USP9X: variants seen among roughly 807,000 people sequenced by gnomAD.
USP9X encodes the protein ubiquitin carboxyl-terminal hydrolase 9X.
Under a neutral mutation model 190.3 loss-of-function variants are expected in USP9X, and 7 were observed. The ratio of observed to expected loss-of-function variants is 0.04; its 90% CI spans 0.02 to 0.07. The LOEUF (loss-of-function observed/expected upper bound fraction) is 0.07. USP9X is among the 10% of genes least tolerant of loss of function. The probability of loss-of-function intolerance (pLI) is 1.00; values close to 1 mark genes in which losing one functional copy is unlikely to be tolerated. For synonymous variants in USP9X, 645 were observed against 659.5 expected (o/e 0.98, Z 0.34); for missense variants, 1,010 against 1,916.9 (o/e 0.53, Z 8.83).
chrX:41,108,830 T>C (rs1036120513), intron 1 of USP9X, among the ~76,000 whole-genome samples: 3 of 111,121 alleles, frequency 2.7e-5, no homozygotes, highest in Non-Finnish European at 5.7e-5. Flanking sequence ...GTGGGGGCCA[T>C]TAGGACCACG....
chrX:41,147,548 GA>G (rs765027814), intron 11 of USP9X, among the ~76,000 whole-genome samples: 31 of 104,716 alleles, frequency 3.0e-4, no homozygotes, highest in African/African-American at 9.6e-4. Context: ...CCACTTCCTG[GA>G]TTCAAGCAAT....
rs763528440 is a variant in USP9X, at chrX:41,184,367, GC to G, written c.3280-27del. 1.3e-5 allele frequency: 15 copies of G among 1,191,204 alleles called. 1 individual carries two copies. In the South Asian group the frequency reaches 2.8e-4, roughly 22 times the overall value. ...TTTTTTTTTTAAATCTTTTAATACA[GC>G]CCTCTCCCCCTCTTCTCTATTTTTC... On this transcript the variant is annotated intron_variant, in intron 22 of 44. Transcript: ENST00000378308.
At chrX:41,214,908 G>C (rs1293264308) in intron 34 of USP9X, among the ~76,000 whole-genome samples, 199 bp downstream of exon 34, 3 of 112,069 alleles carry the variant, frequency 2.7e-5, no homozygotes, top group African/African-American at 9.7e-5. Context: ...AAGGGGCTAG[G>C]TAAATAAGAT....
At position 41,123,743 on chromosome X, in the gene USP9X, T is replaced by C. The variant is rs1254467400; in HGVS notation, c.96+19T>C. ...GAATCAGGTAGGATGTTGAAGATACTAGTTAAAGCTACAGTGGGGCTGGAC... is the reference window on the plus strand; with the variant it reads ...GAATCAGGTAGGATGTTGAAGATACCAGTTAAAGCTACAGTGGGGCTGGAC... On this transcript the variant is annotated intron_variant, in intron 2 of 44. Transcript: ENST00000378308. 1 of 1,187,764 alleles carries C rather than the reference T, an allele frequency of 8.4e-7. No homozygotes were observed. Among genetic ancestry groups the C allele is most frequent in the Admixed American group, 2.2e-5 (1 of 45,145 alleles).
rs2063395637 is a variant in USP9X, at chrX:41,235,872, T to A, written c.*3348T>A. ...GTAGTGGTTAGAAAGATGAGGAGAC[T>A]TTTTTGACTTACATTTGTAAATGAA... On this transcript the variant is annotated 3_prime_UTR_variant, in exon 45 of 45. Transcript: ENST00000378308. The A allele has an allele frequency of 8.9e-6, 1 of 112,208 alleles. No homozygotes were observed. 9.2% of individuals were successfully genotyped at this position (112,208 alleles called of 1,213,427 possible). A position where few individuals can be genotyped will look rare whatever the true frequency, so the allele number is the denominator to read the frequency against.
chrX:41,123,868 C>T (rs906077822), intron 2 of USP9X, 144 bp downstream of exon 2: 7 of 507,485 alleles, frequency 1.4e-5, no homozygotes, highest in Non-Finnish European at 2.2e-5. Flanking sequence ...CAGGGTGGAA[C>T]CCTGTCTCTA....
intron 36 of USP9X, 72 bp from the exon 37 acceptor site, chrX:41,218,300 T>G: frequency 9.5e-7 from 1 of 1,052,720 alleles, no homozygotes; most frequent in Non-Finnish European, 1.3e-6. Context: ...TTTGGTTCAA[T>G]GAGACTCATC....
chrX:41,151,177 T>TA (rs2062521692), intron 13 of USP9X, 120 bp downstream of exon 13: 9 of 715,035 alleles, frequency 1.3e-5, no homozygotes, highest in Non-Finnish European at 1.6e-5. Context: ...AGAGGCTATA[T>TA]AAGAAGTGTT....
Position 41,096,704 on chromosome X carries a change from T to G in USP9X, c.-159+10595T>G, listed in dbSNP as rs181478853. On this transcript the variant is annotated intron_variant, in intron 1 of 44. Coordinates refer to ENST00000378308, the MANE Select transcript of USP9X (RefSeq NM_001039591.3). ...ATCAGCCTGCCTTGGTCCCCCAAAG[T>G]GGTGGAATTACAGGCATGAGCCACC... 1.2e-3 allele frequency among the ~76,000 whole-genome samples: 129 copies of G among 111,711 alleles called. 1 individual carries two copies. Among genetic ancestry groups the G allele is most frequent in the African/African-American group, 3.9e-3 (120 of 30,711 alleles).
chrX:41,149,807 G>A (rs748474615), intron 12 of USP9X, among the ~76,000 whole-genome samples: 17 of 109,824 alleles, frequency 1.5e-4, no homozygotes, highest in South Asian at 4.0e-4. Context: ...AGGTTCAAGC[G>A]ATTCTCCTGC....
intron 4 of USP9X, 148 bp from the exon 5 acceptor site, chrX:41,134,577 A>T: frequency 2.3e-6 from 1 of 430,057 alleles, no homozygotes; most frequent in Non-Finnish European, 3.9e-6. Flanking sequence ...TGTTAATATT[A>T]CTCGGTTAAT....
chrX:41,139,136 T>C (rs2062400315), intron 6 of USP9X, among the ~76,000 whole-genome samples: 1 of 112,504 alleles, frequency 8.9e-6, no homozygotes, highest in African/African-American at 3.2e-5. Context: ...TATATCAATC[T>C]AATAGTCTCA....
At chrX:41,102,278 G>A (rs1483014300) in intron 1 of USP9X, among the ~76,000 whole-genome samples, 1 of 111,337 alleles carries the variant, frequency 9.0e-6, no homozygotes, top group Non-Finnish European at 1.9e-5. Flanking sequence ...AACCAATCTG[G>A]TTTTGGAAGA....
intron 31 of USP9X, among the ~76,000 whole-genome samples, chrX:41,203,021 G>T (rs1426654186): frequency 1.8e-5 from 2 of 111,321 alleles, no homozygotes; most frequent in Non-Finnish European, 3.8e-5. Flanking sequence ...GGGACTGGTT[G>T]TTGTCTATTT....
At chrX:41,164,281 A>G (rs1467529293) in intron 15 of USP9X, among the ~76,000 whole-genome samples, 1 of 110,867 alleles carries the variant, frequency 9.0e-6, no homozygotes, top group Non-Finnish European at 1.9e-5. Context: ...AAGTAGCTAT[A>G]TAATGATTTT....
chrX:41,184,702 T>G, intron 23 of USP9X, 27 bp downstream of exon 23: 1 of 1,149,056 alleles, frequency 8.7e-7, no homozygotes, highest in Non-Finnish European at 1.2e-6. Context: ...AAAAATCCTT[T>G]TATAATAGTA....
At chrX:41,163,498 T>A (rs1355559112) in intron 15 of USP9X, among the ~76,000 whole-genome samples, 1 of 110,877 alleles carries the variant, frequency 9.0e-6, no homozygotes, top group Non-Finnish European at 1.9e-5. Flanking sequence ...ACACCTGTAA[T>A]CCCAACACTT....
intron 41 of USP9X, among the ~76,000 whole-genome samples, chrX:41,226,799 A>G (rs2063318045): frequency 8.9e-6 from 1 of 111,859 alleles, no homozygotes; most frequent in Non-Finnish European, 1.9e-5. Flanking sequence ...AATGAAATCT[A>G]ACTTTTACTA....
chrX:41,232,558 TGCACCCAG>T lies in USP9X; in HGVS notation c.*37_*44del. 3 of 1,185,540 alleles carry T rather than the reference TGCACCCAG, an allele frequency of 2.5e-6. No individual in the cohort carries two copies. The highest frequency in any genetic ancestry group is 3.4e-6 in the Non-Finnish European group (3 of 880,805). On this transcript the variant is annotated 3_prime_UTR_variant, in exon 45 of 45. Transcript: ENST00000378308. Reference sequence around the variant, plus strand: ...TAATTAACTGGTTCCATCAAGACTGTGCACCCAGGCCTTACAGTCCAACCTTTTTCTGT... The same window carrying T: ...TAATTAACTGGTTCCATCAAGACTGTGCCTTACAGTCCAACCTTTTTCTGT...
Sources: allele counts gnomAD v4.1 joint callset (sites outside exome capture counted in the v4.1 genomes callset), GRCh38; gene constraint gnomAD v4.1.1; transcripts MANE v1.5; gene names NCBI Gene and HGNC (gene_info 2026-07-23, HGNC 2026-07-21).